CEP57L1: variants seen among roughly 807,000 people sequenced by gnomAD.
CEP57L1 encodes centrosomal protein 57 like 1, also known as centrosomal protein CEP57L1.
In CEP57L1, 37 loss-of-function variants were observed where a neutral mutation model predicts 61.0. That is an observed-to-expected ratio of 0.61 (90% CI 0.47 to 0.80). The LOEUF is 0.80. Ranked by LOEUF, CEP57L1 falls within the 30% of genes least tolerant of loss-of-function variation. The probability of loss-of-function intolerance (pLI) is 0.00; values close to 1 mark genes in which losing one functional copy is unlikely to be tolerated. For missense variants in CEP57L1, 422 were observed against 524.7 expected, an observed-to-expected ratio of 0.80 and a Z score of 1.91; for synonymous variants, 137 against 162.3, an observed-to-expected ratio of 0.84 and a Z score of 1.19.
intron 1 of CEP57L1, among the ~76,000 whole-genome samples, chr6:109,101,528 A>T (rs1233616844): frequency 6.6e-6 from 1 of 152,062 alleles, no homozygotes; most frequent in Non-Finnish European, 1.5e-5. Flanking sequence ...TGGGCAAAAA[A>T]TTTTTAACTC....
intron 1 of CEP57L1, among the ~76,000 whole-genome samples, chr6:109,137,924 C>T (rs761573889): frequency 2.6e-5 from 4 of 152,170 alleles, no homozygotes; most frequent in Admixed American, 2.6e-4. Flanking sequence ...TCAGCAGATA[C>T]AGAGCAGGTG....
intron 4 of CEP57L1, among the ~76,000 whole-genome samples, chr6:109,152,203 A>G (rs554946905): frequency 8.0e-4 from 122 of 152,120 alleles, no homozygotes; most frequent in African/African-American, 2.9e-3. Flanking sequence ...TTTTGGAGTC[A>G]GAGTTTCACT....
intron 1 of CEP57L1, among the ~76,000 whole-genome samples, chr6:109,102,335 CA>C (rs1324399110): frequency 6.6e-6 from 1 of 152,208 alleles, no homozygotes; most frequent in African/African-American, 2.4e-5. Flanking sequence ...GCTAGAACTA[CA>C]GGCATGCACC....
Position 109,159,437 on chromosome 6 carries a change from C to A in CEP57L1, c.991C>A (p.Gln331Lys). 1 of 1,613,374 alleles carries A rather than the reference C, an allele frequency of 6.2e-7. No individual in the cohort carries two copies. The highest frequency in any genetic ancestry group is 8.5e-7 in the Non-Finnish European group (1 of 1,179,594). The change falls in exon 9 of 11, where the codon CAA becomes AAA. Residue 331 changes from glutamine to lysine, a missense_variant. Coordinates refer to ENST00000517392, the MANE Select transcript of CEP57L1 (RefSeq NM_001271852.3). ...TTTATCTGAACTTTTGATGGCAATG[C>A]AAGATGAGCTGGACCAAATGAGCAT... ...DNLSELLMAM[Q>K]DELDQMSMEH...
intron 1 of CEP57L1, among the ~76,000 whole-genome samples, chr6:109,137,841 A>G (rs1294711158): frequency 6.6e-6 from 1 of 152,204 alleles, no homozygotes; most frequent in African/African-American, 2.4e-5. Flanking sequence ...TCTGCATTCA[A>G]TGGAGAAAAT....
At chr6:109,095,270 C>G, upstream of CEP57L1, 6 of 985,778 alleles carry the variant, frequency 6.1e-6, no homozygotes, top group African/African-American at 3.5e-5. Flanking sequence ...TAGAAGTACA[C>G]TGAGACTTCG....
chr6:109,148,364 C>T (rs1450399160), intron 3 of CEP57L1, among the ~76,000 whole-genome samples: 2 of 151,556 alleles, frequency 1.3e-5, no homozygotes, highest in Non-Finnish European at 2.9e-5. Flanking sequence ...TGAGAACATG[C>T]GGTGTTTGGT....
chr6:109,096,908 C>A (rs1562486337), intron 1 of CEP57L1, among the ~76,000 whole-genome samples: 1 of 152,200 alleles, frequency 6.6e-6, no homozygotes, highest in African/African-American at 2.4e-5. Context: ...CATGGCTTCA[C>A]CAACACCTAT....
intron 1 of CEP57L1, among the ~76,000 whole-genome samples, chr6:109,098,067 C>T (rs1416979958): frequency 6.6e-6 from 1 of 152,150 alleles, no homozygotes; most frequent in Non-Finnish European, 1.5e-5. Context: ...GTTGGGAAAG[C>T]ATTGGAGAGT....
At chr6:109,106,978 G>A (rs1228625874) in intron 1 of CEP57L1, among the ~76,000 whole-genome samples, 1 of 152,070 alleles carries the variant, frequency 6.6e-6, no homozygotes, top group Non-Finnish European at 1.5e-5. Flanking sequence ...TGGTTAACAT[G>A]TACGTATAAA....
intron 1 of CEP57L1, among the ~76,000 whole-genome samples, chr6:109,107,951 A>G (rs367911311): frequency 3.9e-5 from 6 of 152,218 alleles, no homozygotes; most frequent in African/African-American, 1.4e-4. Context: ...AAAAAAAAGA[A>G]AAGAAAAAAT....
At chr6:109,097,864 A>G (rs1781898237) in intron 1 of CEP57L1, among the ~76,000 whole-genome samples, 1 of 152,236 alleles carries the variant, frequency 6.6e-6, no homozygotes, top group South Asian at 2.1e-4. Flanking sequence ...GCCTGGGCAA[A>G]TAACATTCTA....
chr6:109,171,479 A>C lies in CEP57L1; in HGVS notation c.*8509A>C, dbSNP rs1435006806. Among the ~76,000 whole-genome samples the C allele has an allele frequency of 6.6e-6, 1 of 151,814 alleles. No homozygotes were observed. The highest frequency in any genetic ancestry group is 1.5e-5 in the Non-Finnish European group (1 of 67,956). Reference sequence around the variant, plus strand: ...AGGCTGGTCTCGAACTCCTGACCTTAGGTGAACTGCCCGCCTCAGCCTCCC... The same window carrying C: ...AGGCTGGTCTCGAACTCCTGACCTTCGGTGAACTGCCCGCCTCAGCCTCCC... On this transcript the variant is annotated 3_prime_UTR_variant, in exon 11 of 11. Coordinates refer to ENST00000517392, the MANE Select transcript of CEP57L1 (RefSeq NM_001271852.3).
intron 1 of CEP57L1, among the ~76,000 whole-genome samples, chr6:109,109,252 T>A (rs991815465): frequency 6.6e-6 from 1 of 152,234 alleles, no homozygotes; most frequent in Non-Finnish European, 1.5e-5. Context: ...AAAAGGTTTC[T>A]GTTGTACATA....
At chr6:109,133,993 G>A (rs372295243) in intron 1 of CEP57L1, among the ~76,000 whole-genome samples, 1 of 152,152 alleles carries the variant, frequency 6.6e-6, no homozygotes, top group African/African-American at 2.4e-5. Flanking sequence ...ACAAGGAGGA[G>A]CTGGTACCAT....
intron 1 of CEP57L1, among the ~76,000 whole-genome samples, chr6:109,134,575 G>A (rs1317151587): frequency 6.6e-6 from 1 of 152,006 alleles, no homozygotes; most frequent in South Asian, 2.1e-4. Context: ...CAATCAGGCA[G>A]GAGAAGGAAA....
chr6:109,144,866 C>G (rs536418110), intron 1 of CEP57L1, among the ~76,000 whole-genome samples: 143 of 152,094 alleles, frequency 9.4e-4, no homozygotes, highest in Non-Finnish European at 1.7e-3. Flanking sequence ...TGTACTTTCT[C>G]TTTAAATCCT....
chr6:109,160,206 G>A (rs564058082), intron 9 of CEP57L1, among the ~76,000 whole-genome samples: 1 of 152,106 alleles, frequency 6.6e-6, no homozygotes, highest in African/African-American at 2.4e-5. Flanking sequence ...AATTTTTCAG[G>A]CAGATACTTC....
At chr6:109,116,098 T>TTATTG (rs1772236953) in intron 1 of CEP57L1, among the ~76,000 whole-genome samples, 1 of 150,000 alleles carries the variant, frequency 6.7e-6, no homozygotes, top group African/African-American at 2.5e-5. Flanking sequence ...TTATTTTATT[T>TTATTG]TATTTTATTT....
Sources: gnomAD v4.1 joint callset for allele counts (sites outside exome capture counted in the v4.1 genomes callset) on GRCh38, gnomAD v4.1.1 for gene constraint, MANE v1.5 for transcripts, NCBI Gene and HGNC (gene_info 2026-07-23, HGNC 2026-07-21) for gene names.